The following PHKA1 variants were observed in gnomAD, a reference collection of about 807,000 sequenced individuals.
PHKA1 encodes phosphorylase kinase regulatory subunit alpha 1, also known as phosphorylase b kinase regulatory subunit alpha, skeletal muscle isoform.
A neutral mutation model predicts 110.2 loss-of-function variants in PHKA1; 60 were observed. The observed-to-expected ratio is 0.54, with a 90% CI of 0.44 to 0.68. PHKA1 has a LOEUF of 0.68. Ranked by LOEUF, PHKA1 falls within the 30% of genes least tolerant of loss-of-function variation. The probability of loss-of-function intolerance (pLI) is 0.00; values close to 1 mark genes in which losing one functional copy is unlikely to be tolerated. For synonymous variants in PHKA1, 316 were observed against 333.6 expected (o/e 0.95, Z 0.58); for missense variants, 801 against 942.5 (o/e 0.85, Z 1.97).
intron 29 of PHKA1, among the ~76,000 whole-genome samples, chrX:72,587,854 T>C (rs1023812748): frequency 3.6e-5 from 4 of 111,148 alleles, no homozygotes; most frequent in Non-Finnish European, 5.7e-5. Context: ...TCCATAATGG[T>C]AAAGGGATCA....
rs782300537 is a variant in PHKA1, at chrX:72,611,163, T to C, written c.2391A>G (p.Glu797=). 2.2e-5 allele frequency: 27 copies of C among 1,206,422 alleles called. No individual in the cohort carries two copies. The Admixed American group carries it at 5.7e-4, about 25-fold the overall frequency. The part of the protein sequence containing the change: ...YTMKGPDWNT[E]LYNERSATVR... Reference sequence around the variant, plus strand: ...CTGTAGCACTCCGTTCATTATACAATTCAGTGTTCCAGTCAGGTCCTCTAG... The same window carrying C: ...CTGTAGCACTCCGTTCATTATACAACTCAGTGTTCCAGTCAGGTCCTCTAG... The change falls in exon 22 of 32, where the codon GAA becomes GAG. Residue 797 remains glutamate, a synonymous_variant. Transcript: ENST00000373542.
chrX:72,581,025 G>C lies in PHKA1; in HGVS notation c.3649C>G (p.His1217Asp). The C allele has an allele frequency of 1.7e-6, 2 of 1,211,076 alleles. No individual in the cohort carries two copies. Among genetic ancestry groups the C allele is most frequent in the Non-Finnish European group, 2.2e-6 (2 of 894,989 alleles). Residue 1217 changes from histidine (H) to aspartate (D), a missense_variant, in exon 32 of 32, where the codon CAC (histidine) becomes GAC (aspartate). This residue lies in a region of PHKA1 where 502 missense variants were observed against 519.2 expected (regional missense o/e 0.97). Transcript: ENST00000373542. ...CCTCATTGCATGGCACAGATGCTGTGGGGCAGGAACTCCTGCACGTAGGTG... is the reference window on the plus strand; with the variant it reads ...CCTCATTGCATGGCACAGATGCTGTCGGGCAGGAACTCCTGCACGTAGGTG... ...AATYVQEFLP[H>D]SICAMQ is the part of the protein sequence containing the mutation.
intron 6 of PHKA1, among the ~76,000 whole-genome samples, chrX:72,673,472 T>TA (rs782662204): frequency 1.8e-5 from 2 of 111,731 alleles, no homozygotes; most frequent in East Asian, 5.6e-4. Flanking sequence ...GTTTAAATGG[T>TA]AAAAAACTTT....
chrX:72,693,065 A>G (rs1049073480), intron 4 of PHKA1, among the ~76,000 whole-genome samples: 57 of 109,333 alleles, frequency 5.2e-4, no homozygotes, highest in African/African-American at 1.7e-3. Context: ...TATTTTCTCA[A>G]TTTGACTCAT....
chrX:72,630,315 G>A (rs2053147853), intron 16 of PHKA1, among the ~76,000 whole-genome samples: 1 of 110,141 alleles, frequency 9.1e-6, no homozygotes, highest in Non-Finnish European at 1.9e-5. Context: ...GAGAGAGAGA[G>A]AGAGAGAAAG....
intron 7 of PHKA1, among the ~76,000 whole-genome samples, chrX:72,667,159 C>T (rs782641682): frequency 8.9e-6 from 1 of 112,098 alleles, no homozygotes; most frequent in African/African-American, 3.2e-5. Flanking sequence ...CCTTTATAAC[C>T]TTTGGCTAGA....
At chrX:72,612,001 A>T (rs1421197218) in intron 21 of PHKA1, among the ~76,000 whole-genome samples, 1 of 112,124 alleles carries the variant, frequency 8.9e-6, no homozygotes, top group Middle Eastern at 4.2e-3. Flanking sequence ...AAATAAAAAC[A>T]TATGTCCACA....
At chrX:72,668,336 AT>A (rs1480241985) in intron 6 of PHKA1, among the ~76,000 whole-genome samples, 1 of 112,092 alleles carries the variant, frequency 8.9e-6, no homozygotes, top group African/African-American at 3.2e-5. Flanking sequence ...AAGTAGAATC[AT>A]TGGGTAAAAG....
intron 5 of PHKA1, among the ~76,000 whole-genome samples, chrX:72,682,185 G>A (rs2053898070): frequency 5.9e-5 from 5 of 85,343 alleles, no homozygotes; most frequent in South Asian, 7.0e-4. Flanking sequence ...CCGGCCAGCC[G>A]CCCCGTCCGG....
Position 72,656,147 on chromosome X carries a change from A to G in PHKA1, c.1014T>C (p.Asp338=), listed in dbSNP as rs782120550. 8.3e-7 allele frequency: 1 copy of G among 1,210,447 alleles called. No individual in the cohort carries two copies. The highest frequency in any genetic ancestry group is 3.0e-5 in the East Asian group (1 of 33,825). ...GTTCTGCATTGCCACTGAAGACCCC[A>G]TCAAGAATAAAGTATGTCCAGAACA... The part of the protein sequence containing the change: ...WPLFWTYFIL[D]GVFSGNAEQV... The change falls in exon 10 of 32, where the codon GAT becomes GAC. Residue 338 remains aspartate, a synonymous_variant. Coordinates refer to ENST00000373542, the MANE Select transcript of PHKA1 (RefSeq NM_002637.4).
At chrX:72,677,067 C>A (rs782646847) in intron 5 of PHKA1, among the ~76,000 whole-genome samples, 1 of 112,274 alleles carries the variant, frequency 8.9e-6, no homozygotes, top group Non-Finnish European at 1.9e-5. Flanking sequence ...CTCTTCTAAT[C>A]AGTGACAGTT....
intron 5 of PHKA1, among the ~76,000 whole-genome samples, chrX:72,682,484 G>T (rs2053912781): frequency 1.8e-5 from 2 of 110,698 alleles, no homozygotes; most frequent in African/African-American, 6.5e-5. Context: ...GAATAGAAAG[G>T]CGGGAAAGGT....
At position 72,705,199 on chromosome X, in the gene PHKA1, T is replaced by C. The variant is rs2147841355; in HGVS notation, c.284A>G (p.Gln95Arg). 1 of 1,176,412 alleles carries C rather than the reference T, an allele frequency of 8.5e-7. No homozygotes were observed. The highest frequency in any genetic ancestry group is 1.2e-6 in the Non-Finnish European group (1 of 865,752). ...MRGLLHCMIR[Q>R]VDKVESFKYS... ...AGGAAGGTGTTATCAATACCATACC[T>C]GTCTGATCATGCAGTGCAGTAGTCC... is the stretch of plus-strand genomic sequence containing the variant. The change falls in exon 3 of 32, where the codon CAG (glutamine) becomes CGG (arginine). Residue 95 changes from glutamine (Q) to arginine (R), a missense_variant and splice_region_variant. By Grantham distance (43) the Gln-to-Arg change is conservative. Transcript: ENST00000373542.
chrX:72,611,088 G>T lies in PHKA1; in HGVS notation c.2466C>A (p.His822Gln). ...CAGAAATGTATCGGATCAGGCCCCA[G>T]TGACGAATTTCTCCCACTTTGCCAT... The part of the protein sequence containing the change: ...ELYGKVGEIR[H>Q]WGLIRYISGI... The change falls in exon 22 of 32, where the codon CAC (histidine) becomes CAA (glutamine). Residue 822 changes from histidine to glutamine, a missense_variant. Transcript: ENST00000373542. 1 of 1,206,691 alleles carries T rather than the reference G, an allele frequency of 8.3e-7. No individual in the cohort carries two copies. The highest frequency in any genetic ancestry group is 1.8e-5 in the South Asian group (1 of 56,792).
intron 4 of PHKA1, among the ~76,000 whole-genome samples, chrX:72,684,996 ATT>A (rs1363734229): frequency 8.9e-6 from 1 of 111,900 alleles, no homozygotes; most frequent in Non-Finnish European, 1.9e-5. Context: ...CTTAAATTGC[ATT>A]TTTAAGTAAA....
intron 13 of PHKA1, 56 bp downstream of exon 13, chrX:72,650,334 G>T: frequency 5.4e-6 from 5 of 932,131 alleles, no homozygotes; most frequent in Non-Finnish European, 7.8e-6. Flanking sequence ...AAAGATCTCT[G>T]CCCATAACCA....
chrX:72,712,811 C>T lies in PHKA1; in HGVS notation c.205G>A (p.Glu69Lys). ...LAYRKNADRDEDKAKAYELEQ... is the reference protein window; with the variant it reads ...LAYRKNADRDKDKAKAYELEQ... The stretch of plus-strand genomic sequence containing the variant: ...AATTCATAGGCCTTTGCCTTATCCT[C>T]ATCCCGGTCTGCATTCTTCCGATAG... Residue 69 changes from glutamate (E) to lysine (K), a missense_variant, in exon 2 of 32, where the codon GAG (glutamate) becomes AAG (lysine). Glu to Lys is a moderately conservative substitution (Grantham distance 56, BLOSUM62 1). Around this residue, in one of 2 missense-constraint regions of PHKA1, gnomAD observed 299 missense variants for 423.3 expected, o/e 0.71. Transcript: ENST00000373542. The T allele has an allele frequency of 8.3e-7, 1 of 1,210,413 alleles. No homozygotes were observed. The highest frequency in any genetic ancestry group is 1.1e-6 in the Non-Finnish European group (1 of 894,463).
At chrX:72,585,085 T>A (rs1278974843) in intron 29 of PHKA1, among the ~76,000 whole-genome samples, 2 of 110,786 alleles carry the variant, frequency 1.8e-5, no homozygotes, top group African/African-American at 6.6e-5. Context: ...TATATTCTTA[T>A]ACAAGTAATT....
intron 11 of PHKA1, 72 bp downstream of exon 11, chrX:72,653,363 A>C (rs2053452385): frequency 3.0e-6 from 2 of 657,708 alleles, no homozygotes; most frequent in East Asian, 6.6e-5. Context: ...TATTTGACTC[A>C]AATGAGGTAG....
Sources: gnomAD v4.1 joint callset for allele counts (sites outside exome capture counted in the v4.1 genomes callset) on GRCh38, gnomAD v4.1.1 for gene constraint, gnomAD v4.1.1 regional missense constraint, MANE v1.5 for transcripts, NCBI Gene and HGNC (gene_info 2026-07-23, HGNC 2026-07-21) for gene names.